The following LIPE variants were observed in gnomAD, a reference collection of about 807,000 sequenced individuals.
LIPE encodes lipase E, hormone sensitive type, also known as hormone-sensitive lipase.
In LIPE, 66 loss-of-function variants were observed where a neutral mutation model predicts 88.5. The observed-to-expected ratio is 0.75, with a 90% CI of 0.61 to 0.91. The LOEUF (loss-of-function observed/expected upper bound fraction) is 0.91, where lower values mean the gene tolerates loss of function less well. Ranked by LOEUF, LIPE falls within the 40% of genes least tolerant of loss-of-function variation. LIPE has a pLI of 0.00. For synonymous variants in LIPE, 570 were observed against 617.5 expected, an observed-to-expected ratio of 0.92 and a Z score of 1.14; for missense variants, 1,346 against 1,434.7, an observed-to-expected ratio of 0.94 and a Z score of 1.00.
chr19:42,406,124 T>G lies in LIPE; in HGVS notation c.2365+37A>C. The G allele has an allele frequency of 6.5e-7, 1 of 1,549,562 alleles. No individual in the cohort carries two copies. The highest frequency in any genetic ancestry group is 1.4e-5 in the African/African-American group (1 of 73,892). Reference sequence around the variant, plus strand: ...CGTCCCTGCAGGAGTCAGACATCCATGCAGTCCTGTTTCCCTGCTGAGGGT... The same window carrying G: ...CGTCCCTGCAGGAGTCAGACATCCAGGCAGTCCTGTTTCCCTGCTGAGGGT... On this transcript the variant is annotated intron_variant, in intron 7 of 9. Coordinates refer to ENST00000244289, the MANE Select transcript of LIPE (RefSeq NM_005357.4). The surrounding 1 kb of genome is among the most constrained non-coding windows in gnomAD (Gnocchi z 5.7).
At chr19:42,424,084 A>G (rs1405975734) in intron 1 of LIPE, 1 of 1,188,342 alleles carries the variant, frequency 8.4e-7, no homozygotes, top group Non-Finnish European at 1.1e-6. Flanking sequence ...TGTGCCTGAG[A>G]GCCGTTGGAG....
intron 1 of LIPE, chr19:42,412,574 C>A: frequency 1.0e-6 from 1 of 986,794 alleles, no homozygotes; most frequent in South Asian, 4.6e-5. Flanking sequence ...CCCACCTGCT[C>A]CCAGACTCAG....
chr19:42,423,388 T>C, intron 1 of LIPE: 1 of 1,286,912 alleles, frequency 7.8e-7, no homozygotes, highest in Non-Finnish European at 1.0e-6. Flanking sequence ...CGAGGTTCCT[T>C]CCGGGCTGCT....
chr19:42,413,509 CA>C (rs1231341380), intron 1 of LIPE, among the ~76,000 whole-genome samples: 2 of 152,010 alleles, frequency 1.3e-5, no homozygotes, highest in African/African-American at 4.8e-5. Flanking sequence ...ACTAAAAATA[CA>C]AAAAAATTAG....
In LIPE at chr19:42,407,625, TAGG is replaced by T; in HGVS notation, c.1820_1822del (p.Ser607del). 6.2e-7 allele frequency: 1 copy of T among 1,610,912 alleles called. No homozygotes were observed. The highest frequency in any genetic ancestry group is 8.5e-7 in the Non-Finnish European group (1 of 1,178,286). ...CCCTACCTGTCCTTCACGCAGGTCA[TAGG>T]AGATGAGCCTGACGAGGACGGGCCC... is the stretch of plus-strand genomic sequence containing the variant. On this transcript the variant is annotated inframe_deletion, in exon 5 of 10. Transcript: ENST00000244289. This position sits in a 1 kb window ranked among gnomAD's most constrained non-coding sequence, Gnocchi z 5.8.
rs2147547067 is a variant in LIPE, at chr19:42,401,528, T to C, written c.*284A>G. Reference sequence around the variant, plus strand: ...AGAGGCCAAACTAATTAAATACTTTTATTTACAACAAACCAAACCGACCTG... The same window carrying C: ...AGAGGCCAAACTAATTAAATACTTTCATTTACAACAAACCAAACCGACCTG... On this transcript the variant is annotated 3_prime_UTR_variant, in exon 10 of 10. Transcript: ENST00000244289. 2 of 426,140 alleles carry C rather than the reference T, an allele frequency of 4.7e-6. No homozygotes were observed. The highest frequency in any genetic ancestry group is 4.0e-5 in the East Asian group (1 of 24,812). 26.4% of individuals were successfully genotyped at this position (426,140 alleles called of 1,614,324 possible).
intron 1 of LIPE, chr19:42,412,446 C>G (rs2040402067): frequency 2.0e-6 from 2 of 986,052 alleles, no homozygotes; most frequent in East Asian, 2.3e-4. Flanking sequence ...GGGCAATAAA[C>G]CCGGGGGCGG....
At position 42,425,226 on chromosome 19, in the gene LIPE, G is replaced by T. The variant is rs115962642; in HGVS notation, c.883+1041C>A. 7.7e-3 allele frequency: 1,199 copies of T among 156,626 alleles called. 16 individuals are homozygous for T. Among genetic ancestry groups the T allele is most frequent in the African/African-American group, 0.027 (1,128 of 41,582 alleles). 9.7% of individuals were successfully genotyped at this position (156,626 alleles called of 1,614,324 possible). ...AAGGGTAAGGTACCGTCTTTGTATT[G>T]TATTGCTGGGACTTACGCCCGTGTC... On this transcript the variant is annotated intron_variant, in intron 1 of 9. Coordinates refer to ENST00000244289, the MANE Select transcript of LIPE (RefSeq NM_005357.4).
Position 42,406,193 on chromosome 19 carries a change from C to T in LIPE, c.2333G>A (p.Ser778Asn). The T allele has an allele frequency of 6.2e-7, 1 of 1,613,148 alleles. No individual in the cohort carries two copies. Among genetic ancestry groups the T allele is most frequent in the Non-Finnish European group, 8.5e-7 (1 of 1,179,344 alleles). ...LSLMDPLLPL[S>N]VLSKCVSAYA... is the part of the protein sequence containing the mutation. ...GGCGCTGACACACTTGGAGAGCACA[C>T]TGAGGGGCAGCAAGGGGTCCATGAG... is the stretch of plus-strand genomic sequence containing the variant. The change falls in exon 7 of 10, where the codon AGT becomes AAT. Residue 778 changes from serine (S) to asparagine (N), a missense_variant. Physicochemically the swap from Ser to Asn is conservative, Grantham distance 46 (BLOSUM62 1). Coordinates refer to ENST00000244289, the MANE Select transcript of LIPE (RefSeq NM_005357.4). The surrounding 1 kb of genome is among the most constrained non-coding windows in gnomAD (Gnocchi z 5.7).
chr19:42,403,627 T>G (rs1006015929), intron 8 of LIPE, among the ~76,000 whole-genome samples: 7 of 151,988 alleles, frequency 4.6e-5, no homozygotes, highest in African/African-American at 1.7e-4. Context: ...TTTGTGTTTT[T>G]TTTTTAGCAG....
intron 8 of LIPE, 38 bp downstream of exon 8, chr19:42,405,347 C>T (rs780858654): frequency 1.3e-5 from 21 of 1,602,170 alleles, no homozygotes; most frequent in Middle Eastern, 2.2e-4. Flanking sequence ...CCCTCCTGCC[C>T]ACCCTGGCTG....
rs143194692 is a variant in LIPE at position 42,426,640 on chromosome 19, A to G, written c.510T>C (p.Ser170=). ...QAKPGAKREP[S]APTESTSQET... ...CTTGGGACGTAGATTCAGTCGGGGC[A>G]GATGGCTCCCTTTTGGCTCCAGGTT... The change falls in exon 1 of 10, where the codon TCT becomes TCC. Residue 170 remains serine, a synonymous_variant. Transcript: ENST00000244289. 19 of 1,614,248 alleles carry G rather than the reference A, an allele frequency of 1.2e-5. No homozygotes were observed. The African/African-American group carries it at 2.3e-4, about 19-fold the overall frequency.
chr19:42,423,612 A>T (rs1181643899), intron 1 of LIPE: 2 of 1,190,732 alleles, frequency 1.7e-6, no homozygotes, highest in African/African-American at 3.2e-5. Context: ...CTCGCTACAC[A>T]CTACTGTCGG....
intron 1 of LIPE, among the ~76,000 whole-genome samples, chr19:42,418,049 C>T (rs1273915362): frequency 6.6e-6 from 1 of 151,310 alleles, no homozygotes; most frequent in Non-Finnish European, 1.5e-5. Context: ...ATGGTGCGAT[C>T]TCAGCTCACC....
At position 42,414,637 on chromosome 19, in the gene LIPE, T is replaced by C. The variant is rs2040453108; in HGVS notation, c.884-3795A>G. Among the ~76,000 whole-genome samples, 2 of 152,270 alleles carry C rather than the reference T, an allele frequency of 1.3e-5. No homozygotes were observed. The highest frequency in any genetic ancestry group is 2.9e-5 in the Non-Finnish European group (2 of 68,052). The stretch of plus-strand genomic sequence containing the variant: ...GCATTTTTTACAAATTGAAGGTTTG[T>C]GGCAACCCTGCGTCAAACCAGTCTG... On this transcript the variant is annotated intron_variant, in intron 1 of 9. Transcript: ENST00000244289. The surrounding 1 kb of genome is among the most constrained non-coding windows in gnomAD (Gnocchi z 4.6).
Position 42,410,422 on chromosome 19 carries a change from G to C in LIPE, c.1304C>G (p.Thr435Ser). 1 of 1,614,228 alleles carries C rather than the reference G, an allele frequency of 6.2e-7. No individual in the cohort carries two copies. The highest frequency in any genetic ancestry group is 8.5e-7 in the Non-Finnish European group (1 of 1,180,044). ...LVYYAQRLLV[T>S]NRPGVLFFEG... ...AAAGAAGAGTACCCCCGGCCGATTG[G>C]TAACCAGCAGGCGCTGGGCGTAGTA... Residue 435 changes from threonine (T) to serine (S), a missense_variant, in exon 2 of 10, where the codon ACC becomes AGC. Thr to Ser is a moderately conservative substitution (Grantham distance 58). Coordinates refer to ENST00000244289, the MANE Select transcript of LIPE (RefSeq NM_005357.4). The surrounding 1 kb of genome is among the most constrained non-coding windows in gnomAD (Gnocchi z 6.1).
chr19:42,420,003 T>C (rs1430427800), intron 1 of LIPE, among the ~76,000 whole-genome samples: 1 of 150,930 alleles, frequency 6.6e-6, no homozygotes, highest in Non-Finnish European at 1.5e-5. Context: ...TGCTGGGATT[T>C]CTTTTCTTTT....
chr19:42,424,362 C>T, intron 1 of LIPE: 1 of 456,816 alleles, frequency 2.2e-6, no homozygotes, highest in Non-Finnish European at 4.4e-6. Context: ...CCAACTGCTT[C>T]TGGACCGCCT....
rs1311110910 is a variant in LIPE at position 42,425,025 on chromosome 19, C to T, written c.883+1242G>A. 11 of 241,854 alleles carry T rather than the reference C, an allele frequency of 4.5e-5. No homozygotes were observed. In the South Asian group the frequency reaches 4.7e-4, roughly 10 times the overall value. 15.0% of individuals were successfully genotyped at this position (241,854 alleles called of 1,614,324 possible). On this transcript the variant is annotated intron_variant, in intron 1 of 9. Coordinates refer to ENST00000244289, the MANE Select transcript of LIPE (RefSeq NM_005357.4). ...CTTGGCGGCTCCCGCACCTCTCTCC[C>T]GGCTCCTCCTTGCTGAGAACACAAC...
Sources: gnomAD v4.1 joint callset for allele counts (sites outside exome capture counted in the v4.1 genomes callset) on GRCh38, gnomAD v4.1.1 for gene constraint, Gnocchi (gnomAD v3.1) non-coding constraint, MANE v1.5 for transcripts, NCBI Gene and HGNC (gene_info 2026-07-23, HGNC 2026-07-21) for gene names.